Variants in HK1 observed in about 807,000 individuals in gnomAD.
HK1 encodes hexokinase-1.
In HK1, 28 loss-of-function variants were observed where a neutral mutation model predicts 91.6. The observed-to-expected ratio is 0.31, with a 90% CI of 0.23 to 0.42. The LOEUF (loss-of-function observed/expected upper bound fraction) is 0.42, where lower values mean the gene tolerates loss of function less well. Ranked by LOEUF, HK1 falls within the 10% of genes least tolerant of loss-of-function variation. HK1 has a pLI of 1.00. For missense variants in HK1, 770 were observed against 1,219.8 expected (o/e 0.63, Z 5.49); for synonymous variants, 430 against 468.1 (o/e 0.92, Z 1.05).
At chr10:69,338,517 T>TTGCAGTGGAAGCAGCTGGAAGTGG in intron 1 of HK1, 1 of 1,289,636 alleles carries the variant, frequency 7.8e-7, no homozygotes, top group Non-Finnish European at 1.0e-6. Context: ...AGACCGAGGC[T>TTGCAGTGGAAGCAGCTGGAAGTGG]TGCAGTGGAA....
chr10:69,364,774 T>C lies in HK1; in HGVS notation c.376-9T>C. 1 of 1,614,218 alleles carries C rather than the reference T, an allele frequency of 6.2e-7. No homozygotes were observed. Among genetic ancestry groups the C allele is most frequent in the South Asian group, 1.1e-5 (1 of 91,084 alleles). On this transcript the variant is annotated splice_polypyrimidine_tract_variant and intron_variant, in intron 3 of 17. Coordinates refer to ENST00000359426, the MANE Select transcript of HK1 (RefSeq NM_000188.3). ...TGGGGCCCCCTGACTGCTCTCATGT[T>C]TCCTTCAGCTTTTTGATCATGTTGC... is the stretch of plus-strand genomic sequence containing the variant.
chr10:69,353,214 G>C (rs1005362456), intron 2 of HK1, among the ~76,000 whole-genome samples: 4 of 152,162 alleles, frequency 2.6e-5, no homozygotes, highest in Non-Finnish European at 4.4e-5. Context: ...CCTCCAGGGA[G>C]GGAGAGAGCC....
At chr10:69,308,135 C>T (rs113738330) in intron 5 of HK1, among the ~76,000 whole-genome samples, 8 of 152,116 alleles carry the variant, frequency 5.3e-5, no homozygotes, top group African/African-American at 9.6e-5. Context: ...CACCACGCCC[C>T]GCCTAAAATA....
chr10:69,341,174 T>C lies in HK1; in HGVS notation c.64-2653T>C, dbSNP rs555941177. On this transcript the variant is annotated intron_variant, in intron 1 of 17. Coordinates refer to ENST00000359426, the MANE Select transcript of HK1 (RefSeq NM_000188.3). Reference sequence around the variant, plus strand: ...TATACATATTTCTTTCTTTCTTTTTTTTTTGGAGACTGGATCTAAGTCTGT... The same window carrying C: ...TATACATATTTCTTTCTTTCTTTTTCTTTTGGAGACTGGATCTAAGTCTGT... 9.0e-4 allele frequency among the ~76,000 whole-genome samples: 137 copies of C among 152,110 alleles called. 1 individual carries two copies. The highest frequency in any genetic ancestry group is 3.2e-3 in the African/African-American group (131 of 41,500).
intron 5 of HK1, among the ~76,000 whole-genome samples, chr10:69,306,524 C>T (rs1449198273): frequency 6.6e-6 from 1 of 152,110 alleles, no homozygotes; most frequent in African/African-American, 2.4e-5. Context: ...GTTCCCTGAA[C>T]CCACAGTTCA....
At chr10:69,382,190 A>G (rs1175101130) in intron 9 of HK1, among the ~76,000 whole-genome samples, 1 of 152,072 alleles carries the variant, frequency 6.6e-6, no homozygotes, top group African/African-American at 2.4e-5. Context: ...GAAGTTTGAG[A>G]CCAGCCTGGG....
upstream of HK1, among the ~76,000 whole-genome samples, chr10:69,314,659 T>G (rs921866774): frequency 3.8e-5 from 5 of 131,814 alleles, no homozygotes; most frequent in Non-Finnish European, 6.1e-5. Flanking sequence ...TCTCTTCTCT[T>G]CTCTCTTTTC....
chr10:69,276,089 T>TAA (rs1844422079), intron 1 of HK1, among the ~76,000 whole-genome samples: 1 of 14,408 alleles, frequency 6.9e-5, no homozygotes, highest in Non-Finnish European at 1.3e-4. Flanking sequence ...AAACTCCTTT[T>TAA]CAAAAAAAAA....
chr10:69,351,196 T>C (rs1848849453), intron 2 of HK1, among the ~76,000 whole-genome samples: 1 of 142,076 alleles, frequency 7.0e-6, no homozygotes, highest in African/African-American at 2.6e-5. Context: ...AATAAATAAA[T>C]AAATAAATAA....
intron 16 of HK1, among the ~76,000 whole-genome samples, chr10:69,395,971 C>T (rs1840116060): frequency 6.6e-6 from 1 of 152,034 alleles, no homozygotes; most frequent in African/African-American, 2.4e-5. Flanking sequence ...TCATAATAAC[C>T]TAACGTAGGC....
intron 5 of HK1, among the ~76,000 whole-genome samples, chr10:69,304,215 G>C (rs1846000582): frequency 6.6e-6 from 1 of 152,050 alleles, no homozygotes; most frequent in Non-Finnish European, 1.5e-5. Flanking sequence ...CTGATCTCCA[G>C]ACAAGAAGAG....
intron 5 of HK1, among the ~76,000 whole-genome samples, chr10:69,305,233 G>A (rs1846048226): frequency 6.6e-6 from 1 of 152,172 alleles, no homozygotes; most frequent in South Asian, 2.1e-4. Context: ...TCTTAAGGGA[G>A]GCTCCAGAAG....
intron 2 of HK1, among the ~76,000 whole-genome samples, chr10:69,354,791 G>A (rs1239899264): frequency 6.6e-6 from 1 of 152,158 alleles, no homozygotes; most frequent in African/African-American, 2.4e-5. Context: ...GAACAGGCTG[G>A]GCGCAGTGGC....
At chr10:69,326,080 C>G (rs530223849) in intron 1 of HK1, among the ~76,000 whole-genome samples, 1 of 151,140 alleles carries the variant, frequency 6.6e-6, no homozygotes, top group African/African-American at 2.4e-5. Context: ...GTGATTCACC[C>G]GCCTCGGCCT....
At chr10:69,300,424 C>T in intron 4 of HK1, 2 of 684,318 alleles carry the variant, frequency 2.9e-6, no homozygotes, top group Non-Finnish European at 5.0e-6. Flanking sequence ...ATATGTATAA[C>T]ATCTCTAGAA....
chr10:69,291,957 C>T (rs1430638629), intron 3 of HK1, among the ~76,000 whole-genome samples: 3 of 152,192 alleles, frequency 2.0e-5, no homozygotes, highest in African/African-American at 7.2e-5. Context: ...AGTGTAAGGC[C>T]TAGGCAGTTT....
At position 69,380,941 on chromosome 10, in the gene HK1, A is replaced by G. The variant is rs1490534153; in HGVS notation, c.1265+846A>G. Among the ~76,000 whole-genome samples the G allele has an allele frequency of 1.3e-5, 2 of 152,220 alleles. No homozygotes were observed. Among genetic ancestry groups the G allele is most frequent in the Non-Finnish European group, 2.9e-5 (2 of 68,048 alleles). On this transcript the variant is annotated intron_variant, in intron 9 of 17. Transcript: ENST00000359426. The surrounding 1 kb of genome is among the most constrained non-coding windows in gnomAD (Gnocchi z 4.0). The stretch of plus-strand genomic sequence containing the variant: ...ACATATAAATACAATGTGCATGTGA[A>G]GCACCCATGTCAGTACTGCACCTTC...
At chr10:69,285,390 C>T (rs1844980145) in intron 2 of HK1, among the ~76,000 whole-genome samples, 1 of 152,058 alleles carries the variant, frequency 6.6e-6, no homozygotes. Context: ...CGCCACTGCA[C>T]TCCAGCCTGG....
chr10:69,314,732 A>G (rs1056839505), upstream of HK1, among the ~76,000 whole-genome samples: 3 of 151,786 alleles, frequency 2.0e-5, no homozygotes, highest in Non-Finnish European at 4.4e-5. Context: ...CAGTGGCACA[A>G]TCTTGGCTCA....
Sources: allele counts gnomAD v4.1 joint callset (sites outside exome capture counted in the v4.1 genomes callset), GRCh38; gene constraint gnomAD v4.1.1; non-coding constraint Gnocchi (gnomAD v3.1); transcripts MANE v1.5; gene names NCBI Gene and HGNC (gene_info 2026-07-23, HGNC 2026-07-21).